The following RPIA variants were observed in gnomAD, a reference collection of about 807,000 sequenced individuals.
RPIA encodes the protein ribose-5-phosphate isomerase.
In RPIA, 29 loss-of-function variants were observed where a neutral mutation model predicts 37.8. The observed-to-expected ratio is 0.77, with a 90% confidence interval of 0.57 to 1.05. The LOEUF (loss-of-function observed/expected upper bound fraction) is 1.05. Among genes scored for constraint, RPIA ranks in the 50% least tolerant of loss-of-function variants. The pLI is 0.00. For missense variants in RPIA, 385 were observed against 413.6 expected, an observed-to-expected ratio of 0.93 and a Z score of 0.60; for synonymous variants, 167 against 157.0, an observed-to-expected ratio of 1.06 and a Z score of -0.48.
intron 3 of RPIA, among the ~76,000 whole-genome samples, chr2:88,709,513 T>C (rs570793077): frequency 6.6e-6 from 1 of 152,336 alleles, no homozygotes; most frequent in African/African-American, 2.4e-5. Flanking sequence ...CTGTTTCCAG[T>C]AATATTGTTT....
At chr2:88,748,512 A>G (rs114416591) in intron 8 of RPIA, among the ~76,000 whole-genome samples, 185 of 152,298 alleles carry the variant, frequency 1.2e-3, no homozygotes, top group African/African-American at 4.3e-3. Flanking sequence ...GTGTGCAGGT[A>G]TCTGTTTCCC....
chr2:88,717,666 C>T (rs1673053135), intron 3 of RPIA, among the ~76,000 whole-genome samples: 1 of 152,142 alleles, frequency 6.6e-6, no homozygotes, highest in Non-Finnish European at 1.5e-5. Context: ...TTTCCTTTTA[C>T]ATTTCCCCCC....
At chr2:88,710,331 C>A (rs905039672) in intron 3 of RPIA, among the ~76,000 whole-genome samples, 4 of 152,126 alleles carry the variant, frequency 2.6e-5, no homozygotes, top group African/African-American at 9.7e-5. Context: ...CAGATGTGAG[C>A]CACTGCGCCC....
chr2:88,733,550 C>T (rs375473115), intron 4 of RPIA, among the ~76,000 whole-genome samples: 13 of 152,136 alleles, frequency 8.5e-5, no homozygotes, highest in African/African-American at 2.9e-4. Flanking sequence ...TTTCCATACC[C>T]CTGAGAATTG....
intron 3 of RPIA, among the ~76,000 whole-genome samples, chr2:88,717,895 T>C (rs553824810): frequency 2.0e-5 from 3 of 152,152 alleles, no homozygotes; most frequent in African/African-American, 7.2e-5. Context: ...AAAAGAACAA[T>C]CCTGGAAAAT....
chr2:88,701,574 C>T (rs953804061), intron 3 of RPIA, among the ~76,000 whole-genome samples: 14 of 304 alleles, frequency 0.046, no homozygotes, highest in Admixed American at 0.16. Context: ...TCCACTATTT[C>T]TTGCTCTTTA....
chr2:88,720,133 G>C (rs1363210123), intron 3 of RPIA, among the ~76,000 whole-genome samples: 1 of 151,838 alleles, frequency 6.6e-6, no homozygotes, highest in Admixed American at 6.6e-5. Flanking sequence ...TACAGGACTT[G>C]GTATCCTTCT....
rs1558686441 is a variant in RPIA, at chr2:88,693,975, C to A, written c.285+1992C>A. On this transcript the variant is annotated intron_variant, in intron 1 of 8. Coordinates refer to ENST00000283646, the MANE Select transcript of RPIA (RefSeq NM_144563.3). ...CCCTTTGTTCTCTTTGGAGCCTGGGCTTTGTTTTTTTACTAGCTTGGTTGA... is the reference window on the plus strand; with the variant it reads ...CCCTTTGTTCTCTTTGGAGCCTGGGATTTGTTTTTTTACTAGCTTGGTTGA... Among the ~76,000 whole-genome samples, 3 of 152,300 alleles carry A rather than the reference C, an allele frequency of 2.0e-5. No individual in the cohort carries two copies. The East Asian group carries it at 5.8e-4, about 29-fold the overall frequency.
chr2:88,695,120 G>C (rs570791335), intron 1 of RPIA, among the ~76,000 whole-genome samples: 10 of 152,250 alleles, frequency 6.6e-5, no homozygotes, highest in African/African-American at 2.4e-4. Context: ...CTTCTTACAT[G>C]CCTTTACCTA....
intron 3 of RPIA, among the ~76,000 whole-genome samples, chr2:88,717,555 C>T (rs1377865573): frequency 1.3e-5 from 2 of 152,124 alleles, no homozygotes; most frequent in Non-Finnish European, 2.9e-5. Flanking sequence ...ATCAGATATG[C>T]ATTTATCGCA....
chr2:88,747,070 G>T (rs1673446557), intron 8 of RPIA, among the ~76,000 whole-genome samples: 1 of 152,148 alleles, frequency 6.6e-6, no homozygotes, highest in Non-Finnish European at 1.5e-5. Context: ...AAACCATCAG[G>T]TTAGGGCAGA....
chr2:88,711,514 C>T (rs896931810), intron 3 of RPIA, among the ~76,000 whole-genome samples: 3 of 152,112 alleles, frequency 2.0e-5, no homozygotes, highest in Non-Finnish European at 4.4e-5. Context: ...TTATGGAGAC[C>T]AAGGTTCTTA....
intron 3 of RPIA, among the ~76,000 whole-genome samples, chr2:88,721,893 A>G (rs189101606): frequency 8.8e-4 from 133 of 151,566 alleles, no homozygotes; most frequent in African/African-American, 3.1e-3. Context: ...TAGTATATAA[A>G]TGGTTTTTTT....
In RPIA at chr2:88,734,554, C is replaced by A. The variant is rs1035560445; in HGVS notation, c.465C>A (p.Ile155=). 5 of 1,613,510 alleles carry A rather than the reference C, an allele frequency of 3.1e-6. No individual in the cohort carries two copies. In the African/African-American group the frequency reaches 6.7e-5, roughly 22 times the overall value. The change falls in exon 5 of 9, where the codon ATC becomes ATA. Residue 155 remains isoleucine, a splice_region_variant and synonymous_variant. Coordinates refer to ENST00000283646, the MANE Select transcript of RPIA (RefSeq NM_144563.3). ...TCTTTACCTTTCCCCCAATACAGAT[C>A]GACCTTGCCATCGATGGTGCTGATG... is the stretch of plus-strand genomic sequence containing the variant. The part of the protein sequence containing the change: ...TLSDLDRHPE[I]DLAIDGADEV...
intron 3 of RPIA, among the ~76,000 whole-genome samples, chr2:88,725,102 G>A (rs1307915479): frequency 6.6e-6 from 1 of 152,056 alleles, no homozygotes; most frequent in Non-Finnish European, 1.5e-5. Context: ...CCTGCTCCTT[G>A]CACTTTCCAG....
At position 88,712,782 on chromosome 2, in the gene RPIA, A is replaced by G. The variant is rs372580329; in HGVS notation, c.402+12718A>G. Among the ~76,000 whole-genome samples, 3 of 152,264 alleles carry G rather than the reference A, an allele frequency of 2.0e-5. No individual in the cohort carries two copies. The South Asian group carries it at 6.2e-4, about 32-fold the overall frequency. On this transcript the variant is annotated intron_variant, in intron 3 of 8. Transcript: ENST00000283646. ...GGGATGGTCAACTGTAAGCCGCTAT[A>G]CTTGGCTGCACTCTTGGGGTCTCCC...
intron 3 of RPIA, among the ~76,000 whole-genome samples, chr2:88,721,456 A>T (rs1673126044): frequency 6.8e-6 from 1 of 147,976 alleles, no homozygotes; most frequent in Admixed American, 6.8e-5. Context: ...AGTATAATAT[A>T]AAATACAACA....
At chr2:88,738,368 G>A (rs186877065) in intron 8 of RPIA, among the ~76,000 whole-genome samples, 1 of 152,340 alleles carries the variant, frequency 6.6e-6, no homozygotes, top group African/African-American at 2.4e-5. Flanking sequence ...TTGAAATAAG[G>A]CCATCGTCTC....
At chr2:88,712,804 T>G (rs1231752512) in intron 3 of RPIA, among the ~76,000 whole-genome samples, 1 of 152,156 alleles carries the variant, frequency 6.6e-6, no homozygotes, top group Non-Finnish European at 1.5e-5. Flanking sequence ...TCTTGGGGTC[T>G]CCCTTCACAG....
Sources: gnomAD v4.1 joint callset for allele counts (sites outside exome capture counted in the v4.1 genomes callset) on GRCh38, gnomAD v4.1.1 for gene constraint, MANE v1.5 for transcripts, NCBI Gene and HGNC (gene_info 2026-07-23, HGNC 2026-07-21) for gene names.